Variants in KIF26B observed in about 807,000 individuals in gnomAD.
The protein encoded by KIF26B is kinesin family member 26B.
A neutral mutation model predicts 151.2 loss-of-function variants in KIF26B; 63 were observed. The ratio of observed to expected loss-of-function variants is 0.42; its 90% CI spans 0.34 to 0.51. KIF26B has a LOEUF of 0.51. KIF26B is among the 20% of genes least tolerant of loss of function. The pLI, the probability that KIF26B is intolerant of heterozygous loss-of-function variation, is 0.07. For synonymous variants in KIF26B, 1,357 were observed against 1,262.1 expected (o/e 1.08, Z -1.59); for missense variants, 2,813 against 2,913.6 (o/e 0.97, Z 0.79).
intron 3 of KIF26B, among the ~76,000 whole-genome samples, chr1:245,368,039 TA>T (rs1673005293): frequency 6.6e-6 from 1 of 152,178 alleles, no homozygotes; most frequent in Non-Finnish European, 1.5e-5. Flanking sequence ...TTGCTGAGAA[TA>T]AAATATACGA....
chr1:245,610,864 T>C (rs1384907123), intron 8 of KIF26B, among the ~76,000 whole-genome samples: 1 of 152,244 alleles, frequency 6.6e-6, no homozygotes, highest in African/African-American at 2.4e-5. Flanking sequence ...GTTCTAAATA[T>C]TGGCTCTTAC....
chr1:245,595,156 C>A (rs143765006), intron 5 of KIF26B, among the ~76,000 whole-genome samples: 113 of 152,272 alleles, frequency 7.4e-4, no homozygotes, highest in African/African-American at 2.4e-3. Flanking sequence ...CCCTTTATTT[C>A]TTTCTCTTGC....
At chr1:245,531,014 A>G (rs967833638) in intron 4 of KIF26B, among the ~76,000 whole-genome samples, 1 of 152,224 alleles carries the variant, frequency 6.6e-6, no homozygotes, top group Non-Finnish European at 1.5e-5. Flanking sequence ...GAAGGTGGCC[A>G]TAATAATGTT....
intron 5 of KIF26B, among the ~76,000 whole-genome samples, chr1:245,557,423 G>A (rs1014692602): frequency 3.9e-5 from 6 of 152,250 alleles, no homozygotes; most frequent in Admixed American, 1.3e-4. Flanking sequence ...GTGACCCTAC[G>A]GAAGATATTC....
chr1:245,410,943 A>G (rs541138690), intron 3 of KIF26B, among the ~76,000 whole-genome samples: 44 of 152,232 alleles, frequency 2.9e-4, no homozygotes, highest in African/African-American at 1.1e-3. Flanking sequence ...TATTTTAGGT[A>G]CTTCAGATAG....
At position 245,261,467 on chromosome 1, in the gene KIF26B, TTCTCTCTCTC is replaced by T. The variant is rs376897211; in HGVS notation, c.465+104811_465+104820del. Among the ~76,000 whole-genome samples the T allele has an allele frequency of 6.9e-3, 770 of 112,190 alleles. 5 individuals carry two copies. Among genetic ancestry groups the T allele is most frequent in the Middle Eastern group, 0.021 (4 of 194 alleles). 73.6% of individuals were successfully genotyped at this position (112,190 alleles called of 152,430 possible). On this transcript the variant is annotated intron_variant, in intron 2 of 14. Coordinates refer to ENST00000407071, the MANE Select transcript of KIF26B (RefSeq NM_018012.4). The stretch of plus-strand genomic sequence containing the variant: ...GCTTGCTTGCTTGCTTTTTCTTTCT[TTCTCTCTCTC>T]TCTCTCTCTCTCTCTCTCTCTCTCT...
intron 2 of KIF26B, among the ~76,000 whole-genome samples, chr1:245,209,677 A>G (rs1669475474): frequency 1.3e-5 from 2 of 152,156 alleles, no homozygotes; most frequent in Non-Finnish European, 2.9e-5. Context: ...TTCAGGGGTA[A>G]ATTCCGAGAA....
At chr1:245,176,909 C>A (rs2103525467) in intron 2 of KIF26B, among the ~76,000 whole-genome samples, 1 of 152,320 alleles carries the variant, frequency 6.6e-6, no homozygotes, top group African/African-American at 2.4e-5. Context: ...GCCATAAAAT[C>A]TTTAAGCATA....
At chr1:245,317,103 A>G (rs1425244694) in intron 2 of KIF26B, among the ~76,000 whole-genome samples, 1 of 152,322 alleles carries the variant, frequency 6.6e-6, no homozygotes, top group East Asian at 1.9e-4. Flanking sequence ...ACTGTTCAAC[A>G]AGAGGAAAAT....
At chr1:245,435,621 C>T (rs141384079) in intron 4 of KIF26B, among the ~76,000 whole-genome samples, 194 of 152,278 alleles carry the variant, frequency 1.3e-3, no homozygotes, top group South Asian at 2.1e-3. Context: ...GTCATTAAGG[C>T]GTCTGCTGTG....
chr1:245,687,901 G>A lies in KIF26B; in HGVS notation c.4918G>A (p.Glu1640Lys), dbSNP rs376901164. 1.4e-5 allele frequency: 22 copies of A among 1,591,068 alleles called. No individual in the cohort carries two copies. The highest frequency in any genetic ancestry group is 3.5e-5 in the Admixed American group (2 of 57,212). Residue 1640 changes from glutamate to lysine, a missense_variant, in exon 12 of 15, where the codon GAG becomes AAG. Glu to Lys is a moderately conservative substitution (Grantham distance 56). Around this residue, in one of 3 missense-constraint regions of KIF26B, gnomAD observed 2,060 missense variants for 2,088.6 expected, o/e 0.99. Transcript: ENST00000407071. The surrounding 1 kb of genome is among the most constrained non-coding windows in gnomAD (Gnocchi z 4.9). ...CGCCTTCCCGGCGGGCCTCCCAGAC[G>A]AGCCTAGCGGCAAGACGAAGGACGC... ...PAAFPAGLPD[E>K]PSGKTKDASS...
chr1:245,252,330 T>G (rs934827798), intron 2 of KIF26B, among the ~76,000 whole-genome samples: 4 of 151,292 alleles, frequency 2.6e-5, no homozygotes, highest in African/African-American at 9.7e-5. Context: ...TATGAACATA[T>G]TATATAGCTC....
chr1:245,218,974 T>G lies in KIF26B; in HGVS notation c.465+62291T>G, dbSNP rs757810672. Among the ~76,000 whole-genome samples the G allele has an allele frequency of 1.3e-5, 2 of 152,124 alleles. No individual in the cohort carries two copies. Among genetic ancestry groups the G allele is most frequent in the Admixed American group, 6.5e-5 (1 of 15,278 alleles). On this transcript the variant is annotated intron_variant, in intron 2 of 14. Transcript: ENST00000407071. The surrounding 1 kb of genome is among the most constrained non-coding windows in gnomAD (Gnocchi z 4.1). ...GCACTGACCCTTCCAAGACTGTGTA[T>G]GCCAGGAGGGAGCATCTGCCCCCAT... is the stretch of plus-strand genomic sequence containing the variant.
Position 245,314,641 on chromosome 1 carries a change from T to G in KIF26B, c.466-52193T>G, listed in dbSNP as rs1671728814. ...TCTCCTGGCTCACCCTCACCTCTGT[T>G]GGCTGTGCTGCAAGCTGTAGTCAGG... On this transcript the variant is annotated intron_variant, in intron 2 of 14. Coordinates refer to ENST00000407071, the MANE Select transcript of KIF26B (RefSeq NM_018012.4). Among the ~76,000 whole-genome samples, 4 of 152,154 alleles carry G rather than the reference T, an allele frequency of 2.6e-5. No individual in the cohort carries two copies. In the South Asian group the frequency reaches 8.3e-4, roughly 32 times the overall value.
chr1:245,486,355 T>C (rs1660279945), intron 4 of KIF26B, among the ~76,000 whole-genome samples: 1 of 151,760 alleles, frequency 6.6e-6, no homozygotes, highest in Non-Finnish European at 1.5e-5. Context: ...AAAGAAGAAG[T>C]TTCAGCAAAG....
In KIF26B at chr1:245,646,288, A is replaced by ACT. The variant is rs746210281; in HGVS notation, c.2258+11_2258+12dup. On this transcript the variant is annotated intron_variant, in intron 10 of 14. Transcript: ENST00000407071. ...CAAACACATTCCATACAAGTAAGTG[A>ACT]CTCTTCTACTCAAAGAATGTGGTGG... 6.2e-7 allele frequency: 1 copy of ACT among 1,612,444 alleles called. No individual in the cohort carries two copies. The highest frequency in any genetic ancestry group is 2.2e-5 in the East Asian group (1 of 44,838).
chr1:245,546,094 T>A (rs758992845), intron 5 of KIF26B, among the ~76,000 whole-genome samples: 4 of 152,254 alleles, frequency 2.6e-5, no homozygotes, highest in Admixed American at 6.5e-5. Flanking sequence ...TGACACTGTA[T>A]GGAAGAGAAA....
chr1:245,437,214 C>T (rs1046297751), intron 4 of KIF26B, among the ~76,000 whole-genome samples: 2 of 152,120 alleles, frequency 1.3e-5, no homozygotes, highest in African/African-American at 2.4e-5. Flanking sequence ...AGTATTCAGG[C>T]TACTGAGGTG....
At chr1:245,532,218 T>TTC (rs1553284424) in intron 4 of KIF26B, among the ~76,000 whole-genome samples, 1 of 145,220 alleles carries the variant, frequency 6.9e-6, no homozygotes, top group African/African-American at 2.7e-5. Context: ...GGAAAATTCT[T>TTC]TTTTCTTTTC....
Sources: gnomAD v4.1 joint callset for allele counts (sites outside exome capture counted in the v4.1 genomes callset) on GRCh38, gnomAD v4.1.1 for gene constraint, gnomAD v4.1.1 regional missense constraint, Gnocchi (gnomAD v3.1) non-coding constraint, MANE v1.5 for transcripts, NCBI Gene and HGNC (gene_info 2026-07-23, HGNC 2026-07-21) for gene names.